Variants in UMOD observed in about 807,000 individuals in gnomAD.
The protein encoded by UMOD is Tamm-Horsfall urinary glycoprotein.
UMOD carries 64 observed loss-of-function variants against 66.0 expected under a neutral mutation model. The ratio of observed to expected loss-of-function variants is 0.97; its 90% CI spans 0.79 to 1.19. The LOEUF (loss-of-function observed/expected upper bound fraction) is 1.19, where lower values mean the gene tolerates loss of function less well. UMOD is among the 50% of genes most tolerant of loss of function. UMOD has a pLI of 0.00. For synonymous variants in UMOD, 398 were observed against 352.7 expected, an observed-to-expected ratio of 1.13 and a Z score of -1.44; for missense variants, 764 against 850.9, an observed-to-expected ratio of 0.90 and a Z score of 1.27.
upstream of UMOD, among the ~76,000 whole-genome samples, chr16:20,353,187 C>T (rs115336686): frequency 0.011 from 1,610 of 152,258 alleles, 32 homozygotes; most frequent in African/African-American, 0.037. Context: ...CACCCATTCT[C>T]ATGAGATCAG....
chr16:20,345,430 C>CTT (rs1567306472), intron 5 of UMOD, among the ~76,000 whole-genome samples: 1 of 37,896 alleles, frequency 2.6e-5, no homozygotes, highest in East Asian at 3.2e-4. Context: ...CTTTCTTTCT[C>CTT]TTTCTTTCTT....
At chr16:20,341,367 C>A in intron 6 of UMOD, 31 bp from the exon 7 acceptor site, 1 of 1,610,676 alleles carries the variant, frequency 6.2e-7, no homozygotes, top group South Asian at 1.1e-5. Context: ...GTGAGAGGAC[C>A]GGGCTGAGAA....
intron 2 of UMOD, among the ~76,000 whole-genome samples, chr16:20,350,119 A>G (rs34882080): frequency 0.15 from 23,342 of 152,116 alleles, 1,998 homozygotes; most frequent in Middle Eastern, 0.19. Context: ...CAGGACCACA[A>G]AATATGTGCT....
intron 5 of UMOD, among the ~76,000 whole-genome samples, chr16:20,345,506 T>TCCCTCCCTCCCTCTCTC (rs1567306759): frequency 3.4e-5 from 1 of 29,514 alleles, no homozygotes. Context: ...CTCCCTCCCT[T>TCCCTCCCTCCCTCTCTC]CCTTCCTTCC....
chr16:20,349,620 C>T, intron 2 of UMOD: 1 of 1,414,448 alleles, frequency 7.1e-7, no homozygotes, highest in East Asian at 2.5e-5. Flanking sequence ...CCAGCTCCAC[C>T]ATTCATTTTT....
At chr16:20,349,940 C>A (rs1398081789) in intron 2 of UMOD, 3 of 1,468,018 alleles carry the variant, frequency 2.0e-6, no homozygotes, top group Non-Finnish European at 2.7e-6. Context: ...ATATGCCAGG[C>A]AATAGGATGT....
chr16:20,343,230 T>C (rs1260452592), intron 6 of UMOD, among the ~76,000 whole-genome samples: 3 of 152,028 alleles, frequency 2.0e-5, no homozygotes, highest in Non-Finnish European at 2.9e-5. Context: ...ATTTGAAGAT[T>C]TTCAATTTTA....
At chr16:20,336,769 G>A in intron 8 of UMOD, 42 bp from the exon 9 acceptor site, 1 of 1,583,382 alleles carries the variant, frequency 6.3e-7, no homozygotes. Flanking sequence ...CCATGAAGGA[G>A]CCTGAATGTG....
intron 4 of UMOD, among the ~76,000 whole-genome samples, chr16:20,347,810 G>A (rs1159729101): frequency 6.6e-6 from 1 of 152,146 alleles, no homozygotes; most frequent in Non-Finnish European, 1.5e-5. Flanking sequence ...TGCCTGGCCC[G>A]GAGTACTGAG....
At chr16:20,345,405 T>TTTCTTTCTTTCTTTCTTTCC (rs1965495773) in intron 5 of UMOD, among the ~76,000 whole-genome samples, 1 of 107,706 alleles carries the variant, frequency 9.3e-6, no homozygotes, top group Non-Finnish European at 1.7e-5. Context: ...TTTTTTTTTC[T>TTTCTTTCTTTCTTTCTTTCC]TTCTTTCTTT....
At chr16:20,339,125 G>A (rs111624876) in intron 7 of UMOD, among the ~76,000 whole-genome samples, 4,283 of 152,308 alleles carry the variant, frequency 0.028, 108 homozygotes, top group Non-Finnish European at 0.044. Flanking sequence ...ATTTACGTCT[G>A]AGAATAGAAA....
intron 4 of UMOD, 46 bp from the exon 5 acceptor site, chr16:20,346,380 G>C: frequency 6.2e-7 from 1 of 1,605,088 alleles, no homozygotes; most frequent in African/African-American, 1.3e-5. Flanking sequence ...TATAGCTTGG[G>C]GGCCCAGCAC....
At chr16:20,344,324 C>A (rs116287468) in intron 5 of UMOD, 152 bp from the exon 6 acceptor site, 2 of 780,836 alleles carry the variant, frequency 2.6e-6, no homozygotes, top group Admixed American at 2.2e-5. Context: ...TGCCTGTGGC[C>A]GGGCGCATTA....
At chr16:20,355,631 C>T (rs894988152), upstream of UMOD, among the ~76,000 whole-genome samples, 2 of 151,986 alleles carry the variant, frequency 1.3e-5, no homozygotes, top group Admixed American at 1.3e-4. Context: ...AACTCCTGAC[C>T]TCAGGTAATC....
chr16:20,345,686 G>A (rs1965541956), intron 5 of UMOD, among the ~76,000 whole-genome samples: 1 of 151,628 alleles, frequency 6.6e-6, no homozygotes, highest in South Asian at 2.1e-4. Flanking sequence ...TTCATTTGAG[G>A]AGGCCTCTGT....
chr16:20,345,445 C>CTCTTTCTTT (rs1165570032), intron 5 of UMOD, among the ~76,000 whole-genome samples: 1 of 37,110 alleles, frequency 2.7e-5, no homozygotes, highest in Non-Finnish European at 5.3e-5. Context: ...TTTCTTTCTT[C>CTCTTTCTTT]CTTTCTTCCT....
chr16:20,337,762 A>C (rs1567300893), intron 7 of UMOD, among the ~76,000 whole-genome samples: 1 of 152,232 alleles, frequency 6.6e-6, no homozygotes, highest in Non-Finnish European at 1.5e-5. Context: ...ACTATCCAAA[A>C]GTCAGCACTT....
intron 9 of UMOD, 84 bp downstream of exon 9, chr16:20,336,562 C>T: frequency 7.5e-7 from 1 of 1,340,970 alleles, no homozygotes; most frequent in Non-Finnish European, 1.1e-6. Context: ...CAGTAAGGTG[C>T]CAAGGTGCCA....
At chr16:20,341,430 A>G (rs1965212274) in intron 6 of UMOD, 94 bp from the exon 7 acceptor site, 3 of 1,587,888 alleles carry the variant, frequency 1.9e-6, no homozygotes, top group African/African-American at 2.7e-5. Context: ...AGTCCCTTGC[A>G]GTTATTTGCA....
Sources: gnomAD v4.1 joint callset for allele counts (sites outside exome capture counted in the v4.1 genomes callset) on GRCh38, gnomAD v4.1.1 for gene constraint, MANE v1.5 for transcripts, NCBI Gene and HGNC (gene_info 2026-07-23, HGNC 2026-07-21) for gene names.